Variants in PAM observed in about 807,000 individuals in gnomAD.
PAM encodes peptidylglycine alpha-amidating monooxygenase.
PAM carries 72 observed loss-of-function variants against 122.1 expected under a neutral mutation model. The observed-to-expected ratio is 0.59, with a 90% CI of 0.49 to 0.72. PAM has a LOEUF of 0.72. Among genes scored for constraint, PAM ranks in the 30% least tolerant of loss-of-function variants. The pLI is 0.00. For missense variants in PAM, 1,106 were observed against 1,183.7 expected, an observed-to-expected ratio of 0.93 and a Z score of 0.96; for synonymous variants, 389 against 404.4, an observed-to-expected ratio of 0.96 and a Z score of 0.46.
At chr5:102,912,782 G>T (rs376980168) in intron 4 of PAM, among the ~76,000 whole-genome samples, 4 of 151,878 alleles carry the variant, frequency 2.6e-5, no homozygotes, top group Non-Finnish European at 5.9e-5. Flanking sequence ...TATTTTAAAT[G>T]ATGACATGAA....
intron 25 of PAM, 21 bp from the exon 26 acceptor site, chr5:103,028,866 T>C: frequency 6.4e-7 from 1 of 1,570,696 alleles, no homozygotes; most frequent in South Asian, 1.2e-5. Flanking sequence ...CCCAATTCTG[T>C]TATTGTTTGC....
At chr5:102,886,044 G>T (rs926050649) in intron 3 of PAM, among the ~76,000 whole-genome samples, 41 of 151,866 alleles carry the variant, frequency 2.7e-4, no homozygotes, top group African/African-American at 8.5e-4. Flanking sequence ...CATTCCCCAC[G>T]ATTCAAAAAT....
chr5:102,812,688 T>C (rs1768320957), intron 1 of PAM, among the ~76,000 whole-genome samples: 1 of 152,118 alleles, frequency 6.6e-6, no homozygotes, highest in African/African-American at 2.4e-5. Flanking sequence ...GTTTAAAAAA[T>C]CTGATTTTAT....
rs147437765 is a variant in PAM at position 102,798,236 on chromosome 5, G to A, written c.-374+42888G>A. On this transcript the variant is annotated intron_variant, in intron 1 of 25. Transcript: ENST00000438793. Reference sequence around the variant, plus strand: ...GCCAGATCAGTGCCCAAAGTACCTCGTGGTATGGGTGATGGGAGACAATCA... The same window carrying A: ...GCCAGATCAGTGCCCAAAGTACCTCATGGTATGGGTGATGGGAGACAATCA... 1.7e-4 allele frequency among the ~76,000 whole-genome samples: 26 copies of A among 152,280 alleles called. No individual in the cohort carries two copies. In the East Asian group the frequency reaches 1.7e-3, roughly 10 times the overall value.
At chr5:102,780,831 CTT>C in intron 1 of PAM, among the ~76,000 whole-genome samples, 1 of 115,636 alleles carries the variant, frequency 8.6e-6, no homozygotes, top group Non-Finnish European at 1.8e-5. Context: ...TTCTTTCTTT[CTT>C]TCTCTGTCTT....
intron 23 of PAM, among the ~76,000 whole-genome samples, chr5:103,022,678 A>G (rs1351573509): frequency 6.6e-6 from 1 of 152,160 alleles, no homozygotes; most frequent in East Asian, 1.9e-4. Context: ...TGGTCATTCT[A>G]GGTGCCTCCT....
chr5:102,842,233 C>T lies in PAM; in HGVS notation c.-373-23590C>T, dbSNP rs543187690. Among the ~76,000 whole-genome samples, 135 of 146,536 alleles carry T rather than the reference C, an allele frequency of 9.2e-4. 1 individual carries two copies. The highest frequency in any genetic ancestry group is 3.3e-3 in the African/African-American group (123 of 37,122). ...ATATATATATATATATATATCTCCA[C>T]ATATGTGTAAATGCATAGAAAAGAG... On this transcript the variant is annotated intron_variant, in intron 1 of 25. Coordinates refer to ENST00000438793, the MANE Select transcript of PAM (RefSeq NM_001177306.2).
At chr5:102,765,742 G>A (rs1450673567) in intron 1 of PAM, among the ~76,000 whole-genome samples, 1 of 152,210 alleles carries the variant, frequency 6.6e-6, no homozygotes, top group Non-Finnish European at 1.5e-5. Flanking sequence ...GATAGCCTCA[G>A]ATGTTCCTTG....
chr5:102,758,926 A>G (rs78558103), intron 1 of PAM, among the ~76,000 whole-genome samples: 4,373 of 152,330 alleles, frequency 0.029, 111 homozygotes, highest in East Asian at 0.14. Flanking sequence ...ATATTTTGAA[A>G]TAGCCATTCC....
intron 7 of PAM, among the ~76,000 whole-genome samples, chr5:102,932,022 T>C (rs564054545): frequency 6.6e-6 from 1 of 152,256 alleles, no homozygotes; most frequent in East Asian, 1.9e-4. Context: ...TTATGTAAGC[T>C]CTAAGAAGTT....
chr5:102,994,166 A>C (rs1774981014), intron 16 of PAM, among the ~76,000 whole-genome samples: 1 of 152,146 alleles, frequency 6.6e-6, no homozygotes, highest in Admixed American at 6.6e-5. Flanking sequence ...CTTCTACAGC[A>C]ACTTCAACCA....
chr5:102,937,247 T>C (rs148834177), intron 7 of PAM, among the ~76,000 whole-genome samples: 5 of 152,306 alleles, frequency 3.3e-5, no homozygotes, highest in African/African-American at 1.2e-4. Context: ...GATTTAGATA[T>C]ATCTTTTTGA....
Position 102,990,315 on chromosome 5 carries a change from G to A in PAM, c.1527G>A (p.Leu509=), listed in dbSNP as rs1454484176. The A allele has an allele frequency of 6.2e-7, 1 of 1,607,082 alleles. No individual in the cohort carries two copies. Among genetic ancestry groups the A allele is most frequent in the Admixed American group, 1.7e-5 (1 of 59,806 alleles). Residue 509 remains leucine, a synonymous_variant, in exon 16 of 26, where the codon TTG becomes TTA. Coordinates refer to ENST00000438793, the MANE Select transcript of PAM (RefSeq NM_001177306.2). ...CACTGGATTGGCCTGGAGTATACTT[G>A]TTACCAGGCCAGGTTTCTGGGGTGG... The part of the protein sequence containing the change: ...EEALDWPGVY[L]LPGQVSGVAL...
chr5:102,865,913 G>A lies in PAM; in HGVS notation c.-283G>A, dbSNP rs1366093122. 2.7e-6 allele frequency: 1 copy of A among 366,988 alleles called. No individual in the cohort carries two copies. The highest frequency in any genetic ancestry group is 2.1e-5 in the African/African-American group (1 of 46,538). 22.7% of individuals were successfully genotyped at this position (366,988 alleles called of 1,614,324 possible). ...TAAGGCACCCGCGCGTCTAGCCCCA[G>A]CGCCAGGGCACGCGAGCGGCGCTGG... On this transcript the variant is annotated 5_prime_UTR_variant, in exon 2 of 26. Transcript: ENST00000438793.
intron 15 of PAM, among the ~76,000 whole-genome samples, chr5:102,975,200 C>G (rs1478349274): frequency 2.6e-5 from 4 of 152,138 alleles, no homozygotes; most frequent in Admixed American, 2.6e-4. Context: ...GATAATACAG[C>G]ATGTGGAGAT....
chr5:102,813,248 G>C (rs1245129454), intron 1 of PAM, among the ~76,000 whole-genome samples: 1 of 152,186 alleles, frequency 6.6e-6, no homozygotes, highest in Non-Finnish European at 1.5e-5. Flanking sequence ...ATGGAGATGA[G>C]AGTTTTGAGA....
At chr5:102,785,420 G>A (rs976352980) in intron 1 of PAM, among the ~76,000 whole-genome samples, 1 of 152,234 alleles carries the variant, frequency 6.6e-6, no homozygotes, top group African/African-American at 2.4e-5. Flanking sequence ...ATACGTGGGA[G>A]ACTGAATAAA....
rs1168917285 is a variant in PAM, at chr5:102,758,073, GTTTTTTTTTTTTTTTTTTT to G, written c.-374+2742_-374+2760del. On this transcript the variant is annotated intron_variant, in intron 1 of 25. Coordinates refer to ENST00000438793, the MANE Select transcript of PAM (RefSeq NM_001177306.2). ...AAAAAAAAAAAAGACTTAGAATTTT[GTTTTTTTTTTTTTTTTTTT>G]TTTTTTTTTTTTTTTTCTTGGGGCA... Among the ~76,000 whole-genome samples, 158 of 24,824 alleles carry G rather than the reference GTTTTTTTTTTTTTTTTTTT, an allele frequency of 6.4e-3. 1 individual carries two copies. Among genetic ancestry groups the G allele is most frequent in the Non-Finnish European group, 0.012 (131 of 11,122 alleles). The allele number at this position is 24,824 out of a possible 152,430, so 16.3% of individuals were successfully genotyped here.
At chr5:102,818,406 G>GA (rs796579031) in intron 1 of PAM, among the ~76,000 whole-genome samples, 1,617 of 140,396 alleles carry the variant, frequency 0.012, 29 homozygotes, top group African/African-American at 0.039. Flanking sequence ...ATTAACAGTT[G>GA]AAAAAAAAAA....
Sources: gnomAD v4.1 joint callset for allele counts (sites outside exome capture counted in the v4.1 genomes callset) on GRCh38, gnomAD v4.1.1 for gene constraint, MANE v1.5 for transcripts, NCBI Gene and HGNC (gene_info 2026-07-23, HGNC 2026-07-21) for gene names.